Variants in ADCK1 observed in about 807,000 individuals in gnomAD.
ADCK1 encodes aarF domain-containing protein kinase 1.
In ADCK1, 41 loss-of-function variants were observed where a neutral mutation model predicts 52.3. The observed-to-expected ratio is 0.78, with a 90% confidence interval of 0.61 to 1.02. The LOEUF (loss-of-function observed/expected upper bound fraction) is 1.02. Among genes scored for constraint, ADCK1 ranks in the 50% least tolerant of loss-of-function variants. The pLI is 0.00. For synonymous variants in ADCK1, 250 were observed against 274.6 expected (o/e 0.91, Z 0.89); for missense variants, 658 against 679.5 (o/e 0.97, Z 0.35).
chr14:77,827,317 A>C (rs557907782), intron 3 of ADCK1, among the ~76,000 whole-genome samples: 8 of 143,708 alleles, frequency 5.6e-5, no homozygotes, highest in Admixed American at 1.5e-4. Context: ...GGGCCACTGC[A>C]CTCCAGCCTG....
At chr14:77,898,540 C>CA (rs1010414175) in intron 5 of ADCK1, among the ~76,000 whole-genome samples, 41 of 151,888 alleles carry the variant, frequency 2.7e-4, no homozygotes, top group Admixed American at 1.0e-3. Flanking sequence ...AATGCAGGAA[C>CA]AAAAAAACCC....
chr14:77,873,596 A>G (rs982419753), intron 4 of ADCK1, among the ~76,000 whole-genome samples: 1 of 152,102 alleles, frequency 6.6e-6, no homozygotes, highest in African/African-American at 2.4e-5. Flanking sequence ...AGGCTGGGTG[A>G]TATGCTTTGG....
At chr14:77,806,140 T>C (rs2081221653) in intron 1 of ADCK1, among the ~76,000 whole-genome samples, 1 of 151,582 alleles carries the variant, frequency 6.6e-6, no homozygotes, top group African/African-American at 2.4e-5. Context: ...TTGCCCCGGC[T>C]GGTCTGGACT....
At chr14:77,899,656 C>T (rs953112507) in intron 6 of ADCK1, among the ~76,000 whole-genome samples, 1 of 152,192 alleles carries the variant, frequency 6.6e-6, no homozygotes, top group African/African-American at 2.4e-5. Context: ...TTGGCTCATA[C>T]AGTTGGTTCT....
chr14:77,831,878 A>C (rs1365364035), intron 3 of ADCK1, among the ~76,000 whole-genome samples: 1 of 152,192 alleles, frequency 6.6e-6, no homozygotes, highest in South Asian at 2.1e-4. Flanking sequence ...TGACAACTCT[A>C]TAACTATTCC....
chr14:77,851,593 T>C (rs756696726), intron 3 of ADCK1, among the ~76,000 whole-genome samples: 1 of 152,246 alleles, frequency 6.6e-6, no homozygotes, highest in Admixed American at 6.5e-5. Context: ...GTATTTTTCA[T>C]GGTTGTATTT....
intron 4 of ADCK1, among the ~76,000 whole-genome samples, chr14:77,881,820 C>T (rs1053247965): frequency 5.3e-5 from 8 of 152,162 alleles, no homozygotes; most frequent in South Asian, 2.1e-4. Flanking sequence ...AAGCTATCAC[C>T]GGGAAATGAG....
chr14:77,825,344 C>G (rs1028538388), intron 3 of ADCK1, among the ~76,000 whole-genome samples: 2 of 151,478 alleles, frequency 1.3e-5, no homozygotes, highest in Admixed American at 1.3e-4. Context: ...AGTTAGAAGA[C>G]CCGAGTTTGT....
At chr14:77,882,956 A>ACC (rs11303286) in intron 4 of ADCK1, among the ~76,000 whole-genome samples, 9 of 98,376 alleles carry the variant, frequency 9.1e-5, no homozygotes, top group African/African-American at 3.6e-4. Context: ...TTCTTACACC[A>ACC]CCCCCCCCCC....
intron 1 of ADCK1, among the ~76,000 whole-genome samples, chr14:77,810,037 CAA>C (rs558244331): frequency 4.6e-5 from 5 of 107,840 alleles, no homozygotes; most frequent in African/African-American, 1.2e-4. Context: ...GACTCTGTCT[CAA>C]AAAAAAAAAA....
chr14:77,898,299 G>A (rs1801104408), intron 5 of ADCK1, among the ~76,000 whole-genome samples: 2 of 152,134 alleles, frequency 1.3e-5, no homozygotes, highest in South Asian at 2.1e-4. Flanking sequence ...GTGTATCTGT[G>A]TGCCTCCCAG....
chr14:77,901,362 C>CT (rs371780013), intron 6 of ADCK1, among the ~76,000 whole-genome samples: 1,561 of 131,770 alleles, frequency 0.012, 28 homozygotes, highest in African/African-American at 0.039. Flanking sequence ...GGAGCTGGTC[C>CT]TTTTTTTTTT....
intron 7 of ADCK1, among the ~76,000 whole-genome samples, chr14:77,913,368 C>G (rs1490228047): frequency 6.6e-6 from 1 of 152,202 alleles, no homozygotes; most frequent in Non-Finnish European, 1.5e-5. Flanking sequence ...CAGGGGTGCC[C>G]ACCTGCCAGC....
intron 7 of ADCK1, among the ~76,000 whole-genome samples, chr14:77,914,913 C>A (rs1398344075): frequency 2.0e-5 from 3 of 151,702 alleles, no homozygotes; most frequent in African/African-American, 7.3e-5. Context: ...GGGTAATAGT[C>A]ATCTATTAAG....
intron 3 of ADCK1, among the ~76,000 whole-genome samples, chr14:77,836,207 C>G (rs1376776291): frequency 6.6e-6 from 1 of 152,200 alleles, no homozygotes; most frequent in East Asian, 1.9e-4. Context: ...TATGGGATGA[C>G]CCAGCAAGAC....
intron 5 of ADCK1, among the ~76,000 whole-genome samples, chr14:77,891,838 G>T (rs536351056): frequency 6.6e-6 from 1 of 152,280 alleles, no homozygotes; most frequent in Admixed American, 6.5e-5. Context: ...TCTTTCTCTG[G>T]TACAAAACCA....
Position 77,924,579 on chromosome 14 carries a change from T to A in ADCK1, c.981T>A (p.Ile327=), listed in dbSNP as rs751632750. Residue 327 remains isoleucine (I), a synonymous_variant, in exon 8 of 11, where the codon ATT becomes ATA. Transcript: ENST00000238561. ...ACCCCGGCACGGGAAAGGCGGAGAT[T>A]GTCCTGTTGGACCATGGGCTTTACC... is the stretch of plus-strand genomic sequence containing the variant. ...RKHPGTGKAE[I]VLLDHGLYQM... is the part of the protein sequence containing the mutation. 6.2e-7 allele frequency: 1 copy of A among 1,613,754 alleles called. No homozygotes were observed. Among genetic ancestry groups the A allele is most frequent in the East Asian group, 2.2e-5 (1 of 44,886 alleles).
At chr14:77,922,508 C>T (rs1198688052) in intron 7 of ADCK1, among the ~76,000 whole-genome samples, 1 of 152,194 alleles carries the variant, frequency 6.6e-6, no homozygotes, top group African/African-American at 2.4e-5. Context: ...CACCAGGGCA[C>T]AGCACCGTGG....
intron 9 of ADCK1, among the ~76,000 whole-genome samples, chr14:77,930,530 G>A (rs969581657): frequency 2.0e-5 from 3 of 152,120 alleles, no homozygotes; most frequent in Admixed American, 6.6e-5. Context: ...ACCCAGAGTC[G>A]TCGAGTCCTG....
Sources: gnomAD v4.1 joint callset for allele counts (sites outside exome capture counted in the v4.1 genomes callset) on GRCh38, gnomAD v4.1.1 for gene constraint, MANE v1.5 for transcripts, NCBI Gene and HGNC (gene_info 2026-07-23, HGNC 2026-07-21) for gene names.